The following ZMYM6 variants were observed in gnomAD, a reference collection of about 807,000 sequenced individuals.
The protein encoded by ZMYM6 is zinc finger MYM-type containing 6.
In ZMYM6, 90 loss-of-function variants were observed where a neutral mutation model predicts 134.0. That is an observed-to-expected ratio of 0.67 (90% CI 0.57 to 0.80). The LOEUF (loss-of-function observed/expected upper bound fraction) is 0.80, where lower values mean the gene tolerates loss of function less well. Ranked by LOEUF, ZMYM6 falls within the 30% of genes least tolerant of loss-of-function variation. The pLI is 0.00. For missense variants in ZMYM6, 1,362 were observed against 1,533.9 expected, an observed-to-expected ratio of 0.89 and a Z score of 1.87; for synonymous variants, 481 against 524.1, an observed-to-expected ratio of 0.92 and a Z score of 1.12.
chr1:35,015,263 T>TA, intron 4 of ZMYM6, 101 bp from the exon 5 acceptor site: 1 of 1,162,312 alleles, frequency 8.6e-7, no homozygotes. Flanking sequence ...GCAGGTACTG[T>TA]ATGGTAGAAA....
intron 2 of ZMYM6, among the ~76,000 whole-genome samples, chr1:35,022,589 T>C (rs947080365): frequency 2.0e-5 from 3 of 152,058 alleles, no homozygotes; most frequent in South Asian, 2.1e-4. Flanking sequence ...AAACCCAAGA[T>C]AGCACTGTCA....
chr1:35,014,796 C>T lies in ZMYM6; in HGVS notation c.696G>A (p.Met232Ile). ...SKFHSTNNLT[M>I]NCCENCGSYC... ...AGCTCCCACAGTTCTCACAACAGTTCATGGTGAGGTTGTTTGTAGAGTGAA... is the reference window on the plus strand; with the variant it reads ...AGCTCCCACAGTTCTCACAACAGTTTATGGTGAGGTTGTTTGTAGAGTGAA... Residue 232 changes from methionine (M) to isoleucine (I), a missense_variant, in exon 6 of 16, where the codon ATG becomes ATA. Coordinates refer to ENST00000357182, the MANE Select transcript of ZMYM6 (RefSeq NM_007167.4). 6.2e-7 allele frequency: 1 copy of T among 1,614,184 alleles called. No homozygotes were observed. The highest frequency in any genetic ancestry group is 1.1e-5 in the South Asian group (1 of 91,082).
chr1:35,012,683 T>G, intron 6 of ZMYM6, 102 bp from the exon 7 acceptor site: 1 of 1,486,630 alleles, frequency 6.7e-7, no homozygotes, highest in Middle Eastern at 2.4e-4. Flanking sequence ...CGGTCCTTGG[T>G]TGAAATATTT....
chr1:34,992,523 A>T (rs1197989162), intron 14 of ZMYM6, 136 bp from the exon 15 acceptor site: 1 of 885,026 alleles, frequency 1.1e-6, no homozygotes, highest in Admixed American at 3.7e-5. Context: ...GCAATAAAAA[A>T]GTCACCTTGG....
intron 15 of ZMYM6, 195 bp downstream of exon 15, chr1:34,992,039 G>T: frequency 1.4e-6 from 1 of 710,668 alleles, no homozygotes; most frequent in Non-Finnish European, 2.4e-6. Flanking sequence ...AATTATAATA[G>T]CTTGTTATGA....
rs1640602140 is a variant in ZMYM6, at chr1:34,987,917, T to C, written c.3165A>G (p.Glu1055=). Residue 1055 remains glutamate (E), a synonymous_variant, in exon 16 of 16, where the codon GAA becomes GAG. Transcript: ENST00000357182. ...LNSRMLTILC[E]EMGSEHVSLP... is the part of the protein sequence containing the mutation. ...AACTCACATGCTCAGATCCCATCTC[T>C]TCACACAAAATTGTTAACATACGTG... is the stretch of plus-strand genomic sequence containing the variant. The C allele has an allele frequency of 6.4e-7, 1 of 1,551,584 alleles. No homozygotes were observed. Among genetic ancestry groups the C allele is most frequent in the South Asian group, 1.2e-5 (1 of 84,066 alleles).
intron 14 of ZMYM6, 98 bp downstream of exon 14, chr1:35,003,870 G>T: frequency 9.0e-7 from 1 of 1,115,292 alleles, no homozygotes; most frequent in South Asian, 1.4e-5. Context: ...CCCTCTTCCA[G>T]CAAAAAGAAA....
intron 8 of ZMYM6, 105 bp downstream of exon 8, chr1:35,011,779 TTTTTAA>T (rs1248506761): frequency 9.3e-6 from 7 of 751,258 alleles, no homozygotes; most frequent in Non-Finnish European, 1.1e-5. Flanking sequence ...AATTTTTTTC[TTTTTAA>T]TTCAAATTTA....
chr1:35,024,636 C>T (rs900846266), intron 2 of ZMYM6, among the ~76,000 whole-genome samples: 1 of 152,166 alleles, frequency 6.6e-6, no homozygotes, highest in African/African-American at 2.4e-5. Context: ...TATCTTTTCC[C>T]ACTTTATTGT....
At chr1:35,009,033 A>T (rs1641036946) in intron 10 of ZMYM6, 109 bp from the exon 11 acceptor site, 8 of 1,162,232 alleles carry the variant, frequency 6.9e-6, no homozygotes, top group Non-Finnish European at 9.6e-6. Context: ...TTTCTAATAC[A>T]CAATTATTTG....
rs115628160 is a variant in ZMYM6, at chr1:35,015,237, A to G, written c.429-75T>C. ...AACTTCCTCCTCTTTGTGAGGTGAA[A>G]TAACACTTACTAAGGGCAGGTACTG... On this transcript the variant is annotated intron_variant, in intron 4 of 15. Coordinates refer to ENST00000357182, the MANE Select transcript of ZMYM6 (RefSeq NM_007167.4). 1.3e-3 allele frequency: 1,796 copies of G among 1,372,422 alleles called. 16 individuals carry two copies. The African/African-American group carries it at 0.021, about 16-fold the overall frequency. The allele number at this position is 1,372,422 out of a possible 1,614,324, so 85.0% of individuals were successfully genotyped here. A position where few individuals can be genotyped will look rare whatever the true frequency, so the allele number is the denominator to read the frequency against.
At position 35,005,163 on chromosome 1, in the gene ZMYM6, T is replaced by C; in HGVS notation, c.1923A>G (p.Leu641=). 1.9e-6 allele frequency: 3 copies of C among 1,614,160 alleles called. No homozygotes were observed. The South Asian group carries it at 3.3e-5, about 18-fold the overall frequency. Residue 641 remains leucine (L), a synonymous_variant, in exon 13 of 16, where the codon TTA becomes TTG. Transcript: ENST00000357182. ...VMSLAKIPAT[L]STGNTNSVLK... is the part of the protein sequence containing the mutation. ...AAACACTGTTAGTGTTCCCTGTAGATAAGGTAGCAGGTATTTTTGCCAATG... is the reference window on the plus strand; with the variant it reads ...AAACACTGTTAGTGTTCCCTGTAGACAAGGTAGCAGGTATTTTTGCCAATG...
intron 4 of ZMYM6, chr1:35,017,376 T>G (rs1469533786): frequency 6.6e-6 from 1 of 152,236 alleles, no homozygotes; most frequent in African/African-American, 2.4e-5. Context: ...ATTTTTCTAC[T>G]GAAAACAGAG....
intron 1 of ZMYM6, chr1:35,031,334 C>A (rs1487072264): frequency 6.6e-6 from 1 of 152,296 alleles, no homozygotes; most frequent in East Asian, 1.9e-4. Flanking sequence ...TCACAATCGC[C>A]TTCCTGTAGA....
intron 2 of ZMYM6, among the ~76,000 whole-genome samples, chr1:35,024,993 C>G (rs535904912): frequency 1.6e-4 from 25 of 152,140 alleles, no homozygotes; most frequent in African/African-American, 6.0e-4. Context: ...CTCAGCCTCC[C>G]CAGTAGCTGA....
chr1:35,007,034 T>C lies in ZMYM6; in HGVS notation c.1730A>G (p.Asn577Ser), dbSNP rs1392076794. The C allele has an allele frequency of 2.5e-6, 4 of 1,613,384 alleles. No homozygotes were observed. The highest frequency in any genetic ancestry group is 3.3e-5 in the Admixed American group (2 of 59,908). ...AAATAGGTTACAGAAATGTTTAATG[T>C]TGCCTCGCCACTTTATGGACTCGCT... is the stretch of plus-strand genomic sequence containing the variant. Reference protein sequence around the residue: ...KLSESIKWRGNIKHFCNLFCV... With the variant: ...KLSESIKWRGSIKHFCNLFCV... Residue 577 changes from asparagine (N) to serine (S), a missense_variant, in exon 12 of 16, where the codon AAC becomes AGC. Coordinates refer to ENST00000357182, the MANE Select transcript of ZMYM6 (RefSeq NM_007167.4).
chr1:35,031,698 T>G (rs576255181), intron 1 of ZMYM6, 117 bp downstream of exon 1: 1 of 152,302 alleles, frequency 6.6e-6, no homozygotes. Flanking sequence ...CCTAAGGCGA[T>G]ATCCGCAGCC....
chr1:35,014,372 G>A (rs1641144182), intron 6 of ZMYM6, among the ~76,000 whole-genome samples: 1 of 152,186 alleles, frequency 6.6e-6, no homozygotes, highest in Non-Finnish European at 1.5e-5. Context: ...GGAGGCTGAG[G>A]CGAGTGGATG....
intron 2 of ZMYM6, among the ~76,000 whole-genome samples, chr1:35,028,765 C>T (rs567261476): frequency 6.6e-6 from 1 of 151,946 alleles, no homozygotes; most frequent in South Asian, 2.1e-4. Context: ...TCCCAAAGTG[C>T]TAGGATTACA....
Sources: allele counts gnomAD v4.1 joint callset (sites outside exome capture counted in the v4.1 genomes callset), GRCh38; gene constraint gnomAD v4.1.1; transcripts MANE v1.5; gene names NCBI Gene and HGNC (gene_info 2026-07-23, HGNC 2026-07-21).